Variants in ADGRE5 observed in about 807,000 individuals in gnomAD.
The protein encoded by ADGRE5 is CD97 molecule.
A neutral mutation model predicts 100.3 loss-of-function variants in ADGRE5; 72 were observed. That is an observed-to-expected ratio of 0.72 (90% CI 0.59 to 0.87). The LOEUF is 0.87. ADGRE5 is among the 40% of genes least tolerant of loss of function. The pLI is 0.00. For missense variants in ADGRE5, 959 were observed against 1,094.7 expected (o/e 0.88, Z 1.75); for synonymous variants, 439 against 447.8 (o/e 0.98, Z 0.25).
Position 14,406,498 on chromosome 19 carries a change from C to A in ADGRE5, c.1989C>A (p.Pro663=), listed in dbSNP as rs1466368322. 1 of 1,566,052 alleles carries A rather than the reference C, an allele frequency of 6.4e-7. No individual in the cohort carries two copies. ...TCTGCCTGATCGGCTATGGCGTGCC[C>A]CTGCTCATCGTGGGCGTCTCGGCTG... The part of the protein sequence containing the change: ...RWLCLIGYGV[P]LLIVGVSAAI... Residue 663 remains proline, a synonymous_variant, in exon 15 of 20, where the codon CCC becomes CCA. Coordinates refer to ENST00000242786, the MANE Select transcript of ADGRE5 (RefSeq NM_078481.4). The surrounding 1 kb of genome is among the most constrained non-coding windows in gnomAD (Gnocchi z 6.0).
intron 4 of ADGRE5, among the ~76,000 whole-genome samples, chr19:14,392,934 G>A (rs1232975562): frequency 2.0e-5 from 3 of 151,452 alleles, no homozygotes; most frequent in African/African-American, 7.3e-5. Flanking sequence ...AGGCGCGATG[G>A]CTCATGCCTG....
rs1215951056 is a variant in ADGRE5, at chr19:14,398,449, C to A, written c.897+310C>A. 3.4e-5 allele frequency: 11 copies of A among 327,344 alleles called. No individual in the cohort carries two copies. The Admixed American group carries it at 4.8e-4, about 14-fold the overall frequency. 20.3% of individuals were successfully genotyped at this position (327,344 alleles called of 1,614,324 possible). On this transcript the variant is annotated intron_variant, in intron 9 of 19. Coordinates refer to ENST00000242786, the MANE Select transcript of ADGRE5 (RefSeq NM_078481.4). ...CTTTGGAAGGCCGAGGTGGGCAGAT[C>A]ACGCGGTCAGGAGATCGAGACCATT...
At chr19:14,389,664 A>G (rs1338426197) in intron 3 of ADGRE5, among the ~76,000 whole-genome samples, 3 of 150,670 alleles carry the variant, frequency 2.0e-5, no homozygotes, top group Non-Finnish European at 3.0e-5. Context: ...TAAACCTGGG[A>G]GGTGAATGTT....
chr19:14,407,595 G>A (rs575407871), intron 18 of ADGRE5, among the ~76,000 whole-genome samples: 4 of 150,308 alleles, frequency 2.7e-5, no homozygotes, highest in African/African-American at 1.0e-4. Flanking sequence ...GGGCCAAGAT[G>A]GCACCATTGC....
At chr19:14,394,130 G>A (rs1465135712) in intron 4 of ADGRE5, among the ~76,000 whole-genome samples, 1 of 152,144 alleles carries the variant, frequency 6.6e-6, no homozygotes, top group Non-Finnish European at 1.5e-5. Context: ...ACAGGCCTGG[G>A]CTGAGAGAAG....
chr19:14,399,303 C>A (rs1975910461), intron 9 of ADGRE5, among the ~76,000 whole-genome samples: 1 of 151,730 alleles, frequency 6.6e-6, no homozygotes, highest in Non-Finnish European at 1.5e-5. Context: ...TGGCTCACGC[C>A]TGTAATCCCA....
chr19:14,407,656 C>T (rs1976325191), intron 18 of ADGRE5, among the ~76,000 whole-genome samples: 1 of 140,666 alleles, frequency 7.1e-6, no homozygotes, highest in Non-Finnish European at 1.5e-5. Context: ...AAAAAAAAAG[C>T]CGGGTGTGCT....
In ADGRE5 at chr19:14,384,983, C is replaced by CTT. The variant is rs575538948; in HGVS notation, c.22+3451_22+3452dup. On this transcript the variant is annotated intron_variant, in intron 1 of 19. Coordinates refer to ENST00000242786, the MANE Select transcript of ADGRE5 (RefSeq NM_078481.4). ...CTCTCTTTGTTCTTTTCTTTTCTTTCTTTTTTTTTTTTTTGAGACTCTTGC... is the reference window on the plus strand; with the variant it reads ...CTCTCTTTGTTCTTTTCTTTTCTTTCTTTTTTTTTTTTTTTTGAGACTCTTGC... Among the ~76,000 whole-genome samples the CTT allele has an allele frequency of 1.9e-3, 160 of 82,458 alleles. 1 individual carries two copies. The highest frequency in any genetic ancestry group is 6.1e-3 in the African/African-American group (142 of 23,132). The allele number at this position is 82,458 out of a possible 152,430, so 54.1% of individuals were successfully genotyped here. A position where few individuals can be genotyped will look rare whatever the true frequency, so the allele number is the denominator to read the frequency against.
intron 1 of ADGRE5, among the ~76,000 whole-genome samples, chr19:14,383,411 AGGAG>A (rs1975229619): frequency 6.7e-6 from 1 of 149,228 alleles, no homozygotes; most frequent in Non-Finnish European, 1.5e-5. Context: ...AGCCTGAGGT[AGGAG>A]AGTCTCTTGA....
intron 4 of ADGRE5, among the ~76,000 whole-genome samples, chr19:14,392,550 TTAAAAGGTTAAAGTTACTTTCACCTTGC>T (rs1316952820): frequency 6.6e-6 from 1 of 152,158 alleles, no homozygotes; most frequent in East Asian, 1.9e-4. Context: ...TTTCACCTTG[TTAAAAGGTTAAAGTTACTTTCACCTTGC>T]TAAAAGGGGA....
Position 14,404,577 on chromosome 19 carries a change from G to A in ADGRE5, c.1629+15G>A. ...ATGACGTGGAGGTAAGTAGCTGGAG[G>A]CATCCTCAAGTGCCCACAGGTAATG... On this transcript the variant is annotated intron_variant, in intron 13 of 19. Coordinates refer to ENST00000242786, the MANE Select transcript of ADGRE5 (RefSeq NM_078481.4). 1 of 1,609,180 alleles carries A rather than the reference G, an allele frequency of 6.2e-7. No homozygotes were observed. Among genetic ancestry groups the A allele is most frequent in the Non-Finnish European group, 8.5e-7 (1 of 1,178,082 alleles).
chr19:14,408,094 C>A lies in ADGRE5; in HGVS notation c.2481C>A (p.Ala827=). The A allele has an allele frequency of 6.2e-7, 1 of 1,613,864 alleles. No homozygotes were observed. The highest frequency in any genetic ancestry group is 8.5e-7 in the Non-Finnish European group (1 of 1,180,008). ...TSGTGHNQTR[A]LRASESGI The stretch of plus-strand genomic sequence containing the variant: ...GGCCTCTGGGCTCTCCTCTCCAGGC[C>A]CTCAGGGCATCAGAGTCCGGCATAT... The change falls in exon 20 of 20, where the codon GCC becomes GCA. Residue 827 remains alanine, a splice_region_variant and synonymous_variant. Coordinates refer to ENST00000242786, the MANE Select transcript of ADGRE5 (RefSeq NM_078481.4).
chr19:14,402,518 A>G, intron 11 of ADGRE5, 79 bp from the exon 12 acceptor site: 4 of 1,486,212 alleles, frequency 2.7e-6, no homozygotes, highest in Non-Finnish European at 3.7e-6. Context: ...GCTGAGCCTG[A>G]GCTGGGTCAT....
rs748248077 is a variant in ADGRE5, at chr19:14,396,496, G to C, written c.478+23G>C. ...CAGGTAGAGGCCCCAGGAAGACGCC[G>C]TGAGGCTGGACGGGAGCTGGGGATG... is the stretch of plus-strand genomic sequence containing the variant. On this transcript the variant is annotated intron_variant, in intron 5 of 19. Coordinates refer to ENST00000242786, the MANE Select transcript of ADGRE5 (RefSeq NM_078481.4). 17 of 1,613,838 alleles carry C rather than the reference G, an allele frequency of 1.1e-5. No homozygotes were observed. In the East Asian group the frequency reaches 3.6e-4, roughly 34 times the overall value.
chr19:14,390,326 CCTTTTTTTTTTTT>C (rs912001525), intron 3 of ADGRE5, among the ~76,000 whole-genome samples: 1 of 147,928 alleles, frequency 6.8e-6, no homozygotes, highest in Non-Finnish European at 1.5e-5. Flanking sequence ...GTTTTTTTTT[CCTTTTTTTTTTTT>C]TTGAGACAGA....
At chr19:14,386,067 G>C (rs1325683538) in intron 1 of ADGRE5, among the ~76,000 whole-genome samples, 1 of 151,518 alleles carries the variant, frequency 6.6e-6, no homozygotes, top group Non-Finnish European at 1.5e-5. Flanking sequence ...CACTGTGCCT[G>C]ACCACGCCTT....
In ADGRE5 at chr19:14,406,084, C is replaced by G; in HGVS notation, c.1821+145C>G. 2.6e-6 allele frequency: 2 copies of G among 771,100 alleles called. No individual in the cohort carries two copies. The highest frequency in any genetic ancestry group is 4.1e-6 in the Non-Finnish European group (2 of 493,442). The allele number at this position is 771,100 out of a possible 1,614,324, so 47.8% of individuals were successfully genotyped here. A position where few individuals can be genotyped will look rare whatever the true frequency, so the allele number is the denominator to read the frequency against. ...CCTGTCCGGGATCTGGCCCCGCCCACCGGGGGGTCGGGTTGTCTCTTTAAA... is the reference window on the plus strand; with the variant it reads ...CCTGTCCGGGATCTGGCCCCGCCCAGCGGGGGGTCGGGTTGTCTCTTTAAA... On this transcript the variant is annotated intron_variant, in intron 14 of 19. Transcript: ENST00000242786. This position sits in a 1 kb window ranked among gnomAD's most constrained non-coding sequence, Gnocchi z 6.0.
intron 1 of ADGRE5, among the ~76,000 whole-genome samples, chr19:14,382,365 G>A (rs1975189211): frequency 6.6e-5 from 10 of 152,142 alleles, no homozygotes; most frequent in Admixed American, 6.6e-4. Flanking sequence ...CACTTGTTGG[G>A]GGCAGTTGCC....
Position 14,404,493 on chromosome 19 carries a change from C to T in ADGRE5, c.1560C>T (p.Asn520=), listed in dbSNP as rs373067809. The T allele has an allele frequency of 2.6e-5, 42 of 1,611,952 alleles. No homozygotes were observed. Among genetic ancestry groups the T allele is most frequent in the South Asian group, 2.1e-4 (19 of 90,982 alleles). The change falls in exon 13 of 20, where the codon AAC becomes AAT. Residue 520 remains asparagine (N), a synonymous_variant. Transcript: ENST00000242786. ...TEGCQVLGSK[N]GSTTCQCSHL... Reference sequence around the variant, plus strand: ...GCTGCCAGGTGCTGGGCAGCAAGAACGGCAGCACCACCTGCCAATGCAGCC... The same window carrying T: ...GCTGCCAGGTGCTGGGCAGCAAGAATGGCAGCACCACCTGCCAATGCAGCC...
Sources: gnomAD v4.1 joint callset for allele counts (sites outside exome capture counted in the v4.1 genomes callset) on GRCh38, gnomAD v4.1.1 for gene constraint, Gnocchi (gnomAD v3.1) non-coding constraint, MANE v1.5 for transcripts, NCBI Gene and HGNC (gene_info 2026-07-23, HGNC 2026-07-21) for gene names.